The following EXOC4 variants were observed in gnomAD, a reference collection of about 807,000 sequenced individuals.
The protein encoded by EXOC4 is exocyst complex component 4.
In EXOC4, 71 loss-of-function variants were observed where a neutral mutation model predicts 107.2. That is an observed-to-expected ratio of 0.66 (90% CI 0.55 to 0.81). The LOEUF is 0.81. Ranked by LOEUF, EXOC4 falls within the 30% of genes least tolerant of loss-of-function variation. The probability of loss-of-function intolerance (pLI) is 0.00; values close to 1 mark genes in which losing one functional copy is unlikely to be tolerated. For synonymous variants in EXOC4, 456 were observed against 441.2 expected (o/e 1.03, Z -0.42); for missense variants, 1,108 against 1,189.6 (o/e 0.93, Z 1.01).
At chr7:133,864,414 C>A (rs1210018245) in intron 11 of EXOC4, among the ~76,000 whole-genome samples, 1 of 152,166 alleles carries the variant, frequency 6.6e-6, no homozygotes, top group Non-Finnish European at 1.5e-5. Context: ...CTCTACTACA[C>A]CTCCTCTTTT....
chr7:133,338,501 G>C (rs890917250), intron 5 of EXOC4, among the ~76,000 whole-genome samples: 4 of 146,148 alleles, frequency 2.7e-5, no homozygotes, highest in African/African-American at 1.0e-4. Context: ...GCTGAGGCAG[G>C]AGAATGGCGT....
rs1450501787 is a variant in EXOC4, at chr7:133,348,073, G to C, written c.764-8257G>C. 2.0e-5 allele frequency among the ~76,000 whole-genome samples: 3 copies of C among 152,260 alleles called. No homozygotes were observed. The East Asian group carries it at 5.8e-4, about 29-fold the overall frequency. ...GTATATTTTGTTATAATTCTGATGT[G>C]AGACTTTACTGAATTCCTGTTAAAT... On this transcript the variant is annotated intron_variant, in intron 5 of 17. Coordinates refer to ENST00000253861, the MANE Select transcript of EXOC4 (RefSeq NM_021807.4).
intron 17 of EXOC4, among the ~76,000 whole-genome samples, chr7:134,051,569 G>A (rs554016809): frequency 6.6e-6 from 1 of 152,192 alleles, no homozygotes; most frequent in East Asian, 1.9e-4. Flanking sequence ...CTACTCCGGA[G>A]GCTGAGGCAG....
chr7:133,268,383 T>A (rs1201579724), intron 1 of EXOC4, among the ~76,000 whole-genome samples: 1 of 152,234 alleles, frequency 6.6e-6, no homozygotes, highest in Admixed American at 6.5e-5. Flanking sequence ...TCTTTTTGCA[T>A]CCTTTTATTC....
chr7:133,602,400 A>C (rs1461574487), intron 9 of EXOC4, among the ~76,000 whole-genome samples: 1 of 152,094 alleles, frequency 6.6e-6, no homozygotes, highest in Non-Finnish European at 1.5e-5. Flanking sequence ...CATGATTACT[A>C]ATGTCTGCTG....
chr7:134,046,680 T>C (rs1795661927), intron 17 of EXOC4, among the ~76,000 whole-genome samples: 1 of 152,198 alleles, frequency 6.6e-6, no homozygotes, highest in Non-Finnish European at 1.5e-5. Context: ...TTCGTTAATG[T>C]TGGTTCCCAG....
intron 13 of EXOC4, among the ~76,000 whole-genome samples, chr7:133,937,606 G>A (rs1800333397): frequency 6.6e-6 from 1 of 152,234 alleles, no homozygotes; most frequent in Non-Finnish European, 1.5e-5. Context: ...CAGTATAGAC[G>A]CCATCCCCAG....
intron 12 of EXOC4, 23 bp downstream of exon 12, chr7:133,895,758 A>T: frequency 6.2e-7 from 1 of 1,602,982 alleles, no homozygotes; most frequent in Admixed American, 1.7e-5. Flanking sequence ...TTAGGGGCTA[A>T]GCAAAGTAAC....
intron 9 of EXOC4, among the ~76,000 whole-genome samples, chr7:133,621,538 C>T (rs547631384): frequency 1.3e-5 from 2 of 152,330 alleles, no homozygotes; most frequent in African/African-American, 4.8e-5. Flanking sequence ...TGCACATACA[C>T]GTGACATGCT....
intron 7 of EXOC4, among the ~76,000 whole-genome samples, chr7:133,472,791 G>A (rs527280234): frequency 6.6e-6 from 1 of 152,072 alleles, no homozygotes; most frequent in Admixed American, 6.5e-5. Flanking sequence ...AGGAGAAGTG[G>A]GTGGATAGGA....
intron 7 of EXOC4, among the ~76,000 whole-genome samples, chr7:133,378,348 A>G (rs940257769): frequency 6.6e-6 from 1 of 151,832 alleles, no homozygotes; most frequent in African/African-American, 2.4e-5. Flanking sequence ...CTGAAGGAAA[A>G]TAATACCAGA....
chr7:133,770,692 A>C (rs377515642), intron 10 of EXOC4, among the ~76,000 whole-genome samples: 4 of 152,080 alleles, frequency 2.6e-5, no homozygotes, highest in African/African-American at 9.6e-5. Flanking sequence ...CATTATCCAC[A>C]ATTCCAAATT....
intron 11 of EXOC4, among the ~76,000 whole-genome samples, chr7:133,823,894 TTTA>T (rs1563015090): frequency 2.3e-4 from 4 of 17,680 alleles, no homozygotes; most frequent in Non-Finnish European, 3.4e-4. Flanking sequence ...ATATATATAT[TTTA>T]TATATATATA....
At chr7:133,502,946 G>C (rs1287634193) in intron 9 of EXOC4, among the ~76,000 whole-genome samples, 2 of 152,036 alleles carry the variant, frequency 1.3e-5, no homozygotes, top group Non-Finnish European at 2.9e-5. Flanking sequence ...CAGTATTTTT[G>C]AATCATCCAA....
chr7:133,649,460 A>ACTTT (rs1280908938), intron 10 of EXOC4, among the ~76,000 whole-genome samples: 2 of 3,828 alleles, frequency 5.2e-4, no homozygotes, highest in Non-Finnish European at 3.0e-3. Context: ...AAGCATTACT[A>ACTTT]CTTTTTCTTT....
At chr7:133,316,184 C>T (rs962401987) in intron 4 of EXOC4, among the ~76,000 whole-genome samples, 7 of 152,170 alleles carry the variant, frequency 4.6e-5, no homozygotes, top group Non-Finnish European at 1.0e-4. Flanking sequence ...ACATACCTAG[C>T]ACATTTGTTC....
intron 11 of EXOC4, among the ~76,000 whole-genome samples, chr7:133,839,992 T>C (rs1797992714): frequency 6.6e-6 from 1 of 152,200 alleles, no homozygotes; most frequent in South Asian, 2.1e-4. Flanking sequence ...GATCTACACA[T>C]GTATATGACA....
intron 10 of EXOC4, among the ~76,000 whole-genome samples, chr7:133,805,843 G>T (rs1797063290): frequency 1.3e-5 from 2 of 152,202 alleles, no homozygotes; most frequent in Non-Finnish European, 2.9e-5. Context: ...AGAAGGGATG[G>T]AAGAAGGAAA....
chr7:133,855,116 T>TATATATAA lies in EXOC4; in HGVS notation c.1734+37579_1734+37580insAATATATA, dbSNP rs1554409783. Among the ~76,000 whole-genome samples the TATATATAA allele has an allele frequency of 7.9e-4, 63 of 79,584 alleles. 2 individuals carry two copies. Among genetic ancestry groups the TATATATAA allele is most frequent in the East Asian group, 4.6e-3 (16 of 3,462 alleles). The allele number at this position is 79,584 out of a possible 152,430, so 52.2% of individuals were successfully genotyped here. ...AAATATATATATAAATATATATAAA[T>TATATATAA]ATATATATATAAATATATATATATA... On this transcript the variant is annotated intron_variant, in intron 11 of 17. Transcript: ENST00000253861.
Sources: gnomAD v4.1 joint callset for allele counts (sites outside exome capture counted in the v4.1 genomes callset) on GRCh38, gnomAD v4.1.1 for gene constraint, MANE v1.5 for transcripts, NCBI Gene and HGNC (gene_info 2026-07-23, HGNC 2026-07-21) for gene names.